PCM1: variants seen among roughly 807,000 people sequenced by gnomAD.
PCM1 encodes pericentriolar material 1 protein.
Under a neutral mutation model 241.9 loss-of-function variants are expected in PCM1, and 157 were observed. That is an observed-to-expected ratio of 0.65 (90% confidence interval 0.57 to 0.74). The LOEUF is 0.74. Ranked by LOEUF, PCM1 falls within the 30% of genes least tolerant of loss-of-function variation. The probability of loss-of-function intolerance (pLI) is 0.00; values close to 1 mark genes in which losing one functional copy is unlikely to be tolerated. For missense variants in PCM1, 3,478 were observed against 2,360.1 expected, an observed-to-expected ratio of 1.47 and a Z score of -9.81; for synonymous variants, 1,085 against 784.9, an observed-to-expected ratio of 1.38 and a Z score of -6.39.
At chr8:17,935,767 C>A in intron 3 of PCM1, 61 bp downstream of exon 3, 2 of 811,516 alleles carry the variant, frequency 2.5e-6, no homozygotes, top group East Asian at 2.6e-5. Flanking sequence ...GCAGTTTTCC[C>A]CCTGACCAAA....
chr8:18,025,772 TA>T, intron 38 of PCM1, 114 bp downstream of exon 38: 1 of 621,700 alleles, frequency 1.6e-6, no homozygotes, highest in Non-Finnish European at 2.8e-6. Context: ...TTAAGCCAAA[TA>T]CTAGAAAGAA....
In PCM1 at chr8:17,941,541, T is replaced by A. The variant is rs936686798; in HGVS notation, c.783+1680T>A. On this transcript the variant is annotated intron_variant, in intron 6 of 38. Transcript: ENST00000325083. Reference sequence around the variant, plus strand: ...ATTGATTTTTGTTTTTTTTTTTTTTTAAAAAAAAGGTGGACTGGTACTTTT... The same window carrying A: ...ATTGATTTTTGTTTTTTTTTTTTTTAAAAAAAAAGGTGGACTGGTACTTTT... Among the ~76,000 whole-genome samples, 17 of 145,854 alleles carry A rather than the reference T, an allele frequency of 1.2e-4. No homozygotes were observed. In the South Asian group the frequency reaches 1.6e-3, roughly 14 times the overall value.
chr8:17,986,085 G>C lies in PCM1; in HGVS notation c.4408G>C (p.Asp1470His). The C allele has an allele frequency of 1.3e-6, 2 of 1,556,688 alleles. No homozygotes were observed. The highest frequency in any genetic ancestry group is 2.5e-5 in the South Asian group (2 of 79,452). Residue 1470 changes from aspartate (D) to histidine (H), a missense_variant and splice_region_variant, in exon 26 of 39, where the codon GAT (aspartate) becomes CAT (histidine). Physicochemically the swap from Asp to His is moderately conservative, Grantham distance 81 (BLOSUM62 -1). Coordinates refer to ENST00000325083, the MANE Select transcript of PCM1 (RefSeq NM_006197.4). ...TPSESLATTD[D>H]ETFEKNFERE... is the part of the protein sequence containing the mutation. ...TAGTGAGAGCCTTGCTACTACTGAT[G>C]ATGTAAGCTGATAATGATTAGTGAA...
rs547702403 is a variant in PCM1, at chr8:17,964,196, A to G, written c.2655-372A>G. On this transcript the variant is annotated intron_variant, in intron 17 of 38. Transcript: ENST00000325083. ...AAGTGCTCAGTAGCCATGTGTACCT[A>G]GTGTCTACTGTATTGGATAGCACAG... Among the ~76,000 whole-genome samples the G allele has an allele frequency of 1.3e-3, 198 of 152,322 alleles. 1 individual carries two copies. Among genetic ancestry groups the G allele is most frequent in the Non-Finnish European group, 2.4e-3 (166 of 68,036 alleles).
chr8:17,963,167 G>A lies in PCM1; in HGVS notation c.2530G>A (p.Glu844Lys). ...EELRQRRKQL[E>K]ALMAEHQRRQ... ...GCTGCGACAGAGAAGAAAGCAGCTT[G>A]AAGCTCTGATGGCTGAACATCAGAG... is the stretch of plus-strand genomic sequence containing the variant. The change falls in exon 17 of 39, where the codon GAA (glutamate) becomes AAA (lysine). Residue 844 changes from glutamate (E) to lysine (K), a missense_variant. By Grantham distance (56) the Glu-to-Lys change is moderately conservative. Coordinates refer to ENST00000325083, the MANE Select transcript of PCM1 (RefSeq NM_006197.4). 1 of 1,613,740 alleles carries A rather than the reference G, an allele frequency of 6.2e-7. No individual in the cohort carries two copies. The highest frequency in any genetic ancestry group is 8.5e-7 in the Non-Finnish European group (1 of 1,179,698).
At chr8:17,993,054 C>G (rs984658379) in intron 28 of PCM1, among the ~76,000 whole-genome samples, 1 of 150,246 alleles carries the variant, frequency 6.7e-6, no homozygotes, top group Non-Finnish European at 1.5e-5. Context: ...TCTGTTTACT[C>G]AGATGATTAT....
In PCM1 at chr8:17,937,343, A is replaced by G; in HGVS notation, c.306A>G (p.Lys102=). The G allele has an allele frequency of 6.2e-7, 1 of 1,605,814 alleles. No homozygotes were observed. Residue 102 remains lysine, a synonymous_variant, in exon 4 of 39, where the codon AAA becomes AAG. Transcript: ENST00000325083. ...MSVPEQAELE[K]LKQRINFSDL... ...TCCCAGAGCAGGCAGAATTAGAGAAACTGAAACAGCGGATAAACTTCAGTG... is the reference window on the plus strand; with the variant it reads ...TCCCAGAGCAGGCAGAATTAGAGAAGCTGAAACAGCGGATAAACTTCAGTG...
intron 24 of PCM1, 72 bp downstream of exon 24, chr8:17,980,827 G>C: frequency 8.1e-7 from 1 of 1,233,186 alleles, no homozygotes; most frequent in Non-Finnish European, 1.1e-6. Flanking sequence ...TAATAAAGCA[G>C]GTGTTAAAAT....
At chr8:17,972,719 G>C (rs770207870) in intron 23 of PCM1, 32 bp downstream of exon 23, 2 of 1,356,608 alleles carry the variant, frequency 1.5e-6, no homozygotes, top group Admixed American at 2.9e-5. Context: ...ATGTTGATCA[G>C]TGTAAATTTT....
At chr8:17,934,754 G>C (rs1436881325) in intron 2 of PCM1, 1 of 152,124 alleles carries the variant, frequency 6.6e-6, no homozygotes, top group Non-Finnish European at 1.5e-5. Flanking sequence ...GAAATCCAAA[G>C]TCTTCTGCAA....
chr8:17,965,293 T>A (rs963203019), intron 18 of PCM1, among the ~76,000 whole-genome samples: 1 of 152,214 alleles, frequency 6.6e-6, no homozygotes, highest in African/African-American at 2.4e-5. Flanking sequence ...TTTCATTGCT[T>A]AAGCGCAATT....
At chr8:17,982,299 G>A (rs1031210578) in intron 24 of PCM1, among the ~76,000 whole-genome samples, 1 of 152,126 alleles carries the variant, frequency 6.6e-6, no homozygotes, top group Non-Finnish European at 1.5e-5. Context: ...AAACAGTCCG[G>A]TAGAGGTCGA....
chr8:17,931,323 C>G (rs943429863), intron 2 of PCM1, among the ~76,000 whole-genome samples: 6 of 151,358 alleles, frequency 4.0e-5, no homozygotes, highest in African/African-American at 1.5e-4. Context: ...TGGAGTCTTG[C>G]TCTTGCCCAG....
At position 18,014,118 on chromosome 8, in the gene PCM1, C is replaced by T; in HGVS notation, c.5584+82C>T. The T allele has an allele frequency of 1.6e-5, 12 of 766,402 alleles. 2 individuals are homozygous for T. In the South Asian group the frequency reaches 2.2e-4, roughly 14 times the overall value. The allele number at this position is 766,402 out of a possible 1,614,324, so 47.5% of individuals were successfully genotyped here. ...GCTAAAAAAAAAAAAAAAACACACA[C>T]AGAAAACACTAAAATTCTTAGTTTG... On this transcript the variant is annotated intron_variant, in intron 35 of 38. Coordinates refer to ENST00000325083, the MANE Select transcript of PCM1 (RefSeq NM_006197.4).
In PCM1 at chr8:17,924,695, AT is replaced by A. The variant is rs2056212892; in HGVS notation, c.-90-13del. 6.6e-6 allele frequency: 1 copy of A among 152,218 alleles called. No individual in the cohort carries two copies. The highest frequency in any genetic ancestry group is 2.1e-4 in the South Asian group (1 of 4,830). The allele number at this position is 152,218 out of a possible 1,614,324, so 9.4% of individuals were successfully genotyped here. On this transcript the variant is annotated splice_polypyrimidine_tract_variant and intron_variant, in intron 1 of 38. Coordinates refer to ENST00000325083, the MANE Select transcript of PCM1 (RefSeq NM_006197.4). ...TAAGTAATTTACTTAAGTGATACATATTTTTAATCCTAATTAGGAAACAGCT... is the reference window on the plus strand; with the variant it reads ...TAAGTAATTTACTTAAGTGATACATATTTTAATCCTAATTAGGAAACAGCT...
intron 29 of PCM1, among the ~76,000 whole-genome samples, chr8:17,997,306 C>T (rs1298350538): frequency 6.6e-6 from 1 of 152,114 alleles, no homozygotes; most frequent in East Asian, 1.9e-4. Context: ...TCTCTTGCTG[C>T]TTTTAGGGTC....
At chr8:17,936,490 G>C (rs1015004176) in intron 3 of PCM1, among the ~76,000 whole-genome samples, 1 of 152,120 alleles carries the variant, frequency 6.6e-6, no homozygotes, top group Admixed American at 6.5e-5. Context: ...TTTTCTATTT[G>C]AAACTATAAG....
chr8:18,020,773 G>A (rs965941303), intron 36 of PCM1, among the ~76,000 whole-genome samples: 3 of 152,118 alleles, frequency 2.0e-5, no homozygotes. Context: ...ATAGCAAAAT[G>A]CCAATCATTT....
At chr8:17,971,828 T>C (rs539679957) in intron 22 of PCM1, among the ~76,000 whole-genome samples, 1 of 152,282 alleles carries the variant, frequency 6.6e-6, no homozygotes, top group South Asian at 2.1e-4. Context: ...ACTGCCTCCT[T>C]GAATTCCTGG....
Sources: gnomAD v4.1 joint callset for allele counts (sites outside exome capture counted in the v4.1 genomes callset) on GRCh38, gnomAD v4.1.1 for gene constraint, MANE v1.5 for transcripts, NCBI Gene and HGNC (gene_info 2026-07-23, HGNC 2026-07-21) for gene names.